The following TMC1 variants were observed in gnomAD, a reference collection of about 807,000 sequenced individuals.
The protein encoded by TMC1 is transmembrane channel-like protein 1.
TMC1 carries 84 observed loss-of-function variants against 105.8 expected under a neutral mutation model. That is an observed-to-expected ratio of 0.79 (90% CI 0.67 to 0.95). The LOEUF is 0.95. Ranked by LOEUF, TMC1 falls within the 40% of genes least tolerant of loss-of-function variation. The pLI, the probability that TMC1 is intolerant of heterozygous loss-of-function variation, is 0.00. For synonymous variants in TMC1, 315 were observed against 311.5 expected (o/e 1.01, Z -0.12); for missense variants, 817 against 914.1 (o/e 0.89, Z 1.37).
chr9:72,760,506 A>G (rs535721819), intron 12 of TMC1, among the ~76,000 whole-genome samples: 1 of 152,234 alleles, frequency 6.6e-6, no homozygotes, highest in South Asian at 2.1e-4. Context: ...GGCTATCATT[A>G]TCTAGGTAGA....
chr9:72,689,754 G>A (rs1052965944), intron 6 of TMC1, among the ~76,000 whole-genome samples: 1 of 152,066 alleles, frequency 6.6e-6, no homozygotes, highest in African/African-American at 2.4e-5. Flanking sequence ...TGTAAGTATA[G>A]CCACCCCTGT....
At chr9:72,795,457 A>G (rs957710698) in intron 17 of TMC1, among the ~76,000 whole-genome samples, 2 of 152,184 alleles carry the variant, frequency 1.3e-5, no homozygotes, top group African/African-American at 4.8e-5. Context: ...CTCAGCTGAA[A>G]CCCTACAAGC....
intron 18 of TMC1, among the ~76,000 whole-genome samples, chr9:72,814,579 C>A (rs1437044043): frequency 6.6e-6 from 1 of 152,118 alleles, no homozygotes. Context: ...ACACAGGACT[C>A]TTTATTATTT....
At chr9:72,773,299 A>G (rs1343929282) in intron 13 of TMC1, among the ~76,000 whole-genome samples, 1 of 152,136 alleles carries the variant, frequency 6.6e-6, no homozygotes, top group African/African-American at 2.4e-5. Flanking sequence ...TAAGGTTGCC[A>G]TTCTTTTATT....
intron 1 of TMC1, among the ~76,000 whole-genome samples, chr9:72,539,224 A>G (rs1369161724): frequency 3.0e-5 from 3 of 100,992 alleles, no homozygotes; most frequent in Admixed American, 2.8e-4. Flanking sequence ...CTCTACAAAA[A>G]ATACAAAAAA....
chr9:72,730,870 T>C (rs149426142), intron 8 of TMC1, among the ~76,000 whole-genome samples: 1 of 152,294 alleles, frequency 6.6e-6, no homozygotes, highest in African/African-American at 2.4e-5. Flanking sequence ...CAGTTCACAA[T>C]AGGGTTTGCA....
chr9:72,636,432 C>T (rs1339332937), intron 4 of TMC1, among the ~76,000 whole-genome samples: 1 of 152,172 alleles, frequency 6.6e-6, no homozygotes, highest in Non-Finnish European at 1.5e-5. Context: ...CGTGATGGCT[C>T]ATGCCTGTTA....
At position 72,772,442 on chromosome 9, in the gene TMC1, T is replaced by C; in HGVS notation, c.771T>C (p.Tyr257=). ...NGLAQYSVLF[Y]GYYDNKRTIG... is the part of the protein sequence containing the mutation. ...TGGCACAATATTCCGTTCTCTTTTA[T>C]GGCTATTATGACAATAAACGAACAA... Residue 257 remains tyrosine, a synonymous_variant, in exon 13 of 24, where the codon TAT becomes TAC. Coordinates refer to ENST00000297784, the MANE Select transcript of TMC1 (RefSeq NM_138691.3). 6.2e-7 allele frequency: 1 copy of C among 1,613,958 alleles called. No homozygotes were observed. Among genetic ancestry groups the C allele is most frequent in the Non-Finnish European group, 8.5e-7 (1 of 1,179,842 alleles).
rs182184324 is a variant in TMC1, at chr9:72,763,012, G to T, written c.741+8128G>T. On this transcript the variant is annotated intron_variant, in intron 12 of 23. Transcript: ENST00000297784. Reference sequence around the variant, plus strand: ...TAGCTTGTGACGAGAGAGATTCCTGGGTCTGCTTTTAGCTTCCTTGGTATT... The same window carrying T: ...TAGCTTGTGACGAGAGAGATTCCTGTGTCTGCTTTTAGCTTCCTTGGTATT... Among the ~76,000 whole-genome samples the T allele has an allele frequency of 2.6e-4, 39 of 151,710 alleles. No individual in the cohort carries two copies. In the East Asian group the frequency reaches 4.4e-3, roughly 17 times the overall value.
At chr9:72,744,794 T>G (rs562177573) in intron 10 of TMC1, among the ~76,000 whole-genome samples, 1 of 152,338 alleles carries the variant, frequency 6.6e-6, no homozygotes, top group East Asian at 1.9e-4. Flanking sequence ...AGTAATATCA[T>G]GCTCATTTGT....
At chr9:72,710,936 C>G (rs1227261518) in intron 8 of TMC1, among the ~76,000 whole-genome samples, 1 of 152,158 alleles carries the variant, frequency 6.6e-6, no homozygotes, top group East Asian at 1.9e-4. Flanking sequence ...CCTCCCTTAG[C>G]TCCGCATCCC....
intron 17 of TMC1, 21 bp downstream of exon 17, chr9:72,792,373 G>T: frequency 1.2e-6 from 2 of 1,613,706 alleles, no homozygotes; most frequent in East Asian, 2.2e-5. Context: ...CAACAGAAGT[G>T]TATGGCAATT....
chr9:72,753,168 T>G (rs1055695168), intron 11 of TMC1, among the ~76,000 whole-genome samples: 7 of 152,098 alleles, frequency 4.6e-5, no homozygotes, highest in Non-Finnish European at 1.0e-4. Flanking sequence ...TAAAGTTGTC[T>G]GGCTCGTAGA....
chr9:72,541,240 A>G (rs1587946097), intron 1 of TMC1, among the ~76,000 whole-genome samples: 2 of 152,322 alleles, frequency 1.3e-5, no homozygotes, highest in South Asian at 4.1e-4. Context: ...TTATCACTTA[A>G]TCAATTCTTA....
chr9:72,712,735 T>C (rs1222098323), intron 8 of TMC1, among the ~76,000 whole-genome samples: 20 of 152,232 alleles, frequency 1.3e-4, no homozygotes, highest in Admixed American at 1.3e-3. Context: ...TGACTTCCTC[T>C]TTTCCTAACT....
intron 8 of TMC1, among the ~76,000 whole-genome samples, chr9:72,733,835 C>A (rs112670252): frequency 4.6e-5 from 7 of 152,264 alleles, no homozygotes; most frequent in Middle Eastern, 3.4e-3. Context: ...ATCTTAGCAA[C>A]CTCAGCATAC....
In TMC1 at chr9:72,742,631, CAAA is replaced by C. The variant is rs1827410079; in HGVS notation, c.535+107_535+109del. On this transcript the variant is annotated intron_variant, in intron 10 of 23. Transcript: ENST00000297784. ...TCTGGACTTTTGGGAAGACTAGAAA[CAAA>C]CAAACAAACAAACAAAAACCAAATC... The C allele has an allele frequency of 5.5e-6, 3 of 544,830 alleles. No homozygotes were observed. In the African/African-American group the frequency reaches 9.7e-5, roughly 18 times the overall value. 33.7% of individuals were successfully genotyped at this position (544,830 alleles called of 1,614,324 possible).
At chr9:72,802,664 A>T (rs1234996026) in intron 17 of TMC1, among the ~76,000 whole-genome samples, 1 of 152,138 alleles carries the variant, frequency 6.6e-6, no homozygotes, top group Non-Finnish European at 1.5e-5. Context: ...ATGTACCAGA[A>T]TCTCTGGGAC....
At chr9:72,810,739 T>A (rs1201197833) in intron 18 of TMC1, among the ~76,000 whole-genome samples, 1 of 152,228 alleles carries the variant, frequency 6.6e-6, no homozygotes, top group Admixed American at 6.5e-5. Flanking sequence ...TATAATATTC[T>A]GTATGCAAAT....
Sources: allele counts gnomAD v4.1 joint callset (sites outside exome capture counted in the v4.1 genomes callset), GRCh38; gene constraint gnomAD v4.1.1; transcripts MANE v1.5; gene names NCBI Gene and HGNC (gene_info 2026-07-23, HGNC 2026-07-21).